SIGLEC6: variants seen among roughly 807,000 people sequenced by gnomAD.
SIGLEC6 encodes the protein sialic acid binding Ig like lectin 6, also known as sialic acid-binding Ig-like lectin 6.
Under a neutral mutation model 41.4 loss-of-function variants are expected in SIGLEC6, and 31 were observed. The ratio of observed to expected loss-of-function variants is 0.75; its 90% confidence interval spans 0.56 to 1.01. The LOEUF is 1.01. SIGLEC6 is among the 50% of genes least tolerant of loss of function. The pLI is 0.00. For missense variants in SIGLEC6, 555 were observed against 558.6 expected (o/e 0.99, Z 0.06); for synonymous variants, 217 against 231.0 (o/e 0.94, Z 0.55).
chr19:51,522,201 C>A (rs1171213173), intron 7 of SIGLEC6, among the ~76,000 whole-genome samples: 4 of 152,222 alleles, frequency 2.6e-5, no homozygotes, highest in African/African-American at 9.7e-5. Context: ...GGAATGAAGG[C>A]AAATATAAAC....
chr19:51,529,384 G>A (rs1390576709), intron 5 of SIGLEC6: 1 of 326,744 alleles, frequency 3.1e-6, no homozygotes, highest in Non-Finnish European at 5.8e-6. Flanking sequence ...CTGGGACAGA[G>A]CTGCTCTGGG....
intron 7 of SIGLEC6, among the ~76,000 whole-genome samples, chr19:51,527,027 A>T (rs536998174): frequency 6.6e-6 from 1 of 152,334 alleles, no homozygotes; most frequent in Non-Finnish European, 1.5e-5. Context: ...CAAAACCTCC[A>T]AAAACTGTGG....
Position 51,520,113 on chromosome 19 carries a change from G to T in SIGLEC6, c.1331C>A (p.Thr444Asn), listed in dbSNP as rs1220873033. The T allele has an allele frequency of 6.3e-7, 1 of 1,590,686 alleles. No homozygotes were observed. Among genetic ancestry groups the T allele is most frequent in the South Asian group, 1.1e-5 (1 of 88,802 alleles). ...VQPQEPKVTD[T>N]EYSEIKIHK ...GTGTATCTTGATTTCTGAGTACTCAGTGTCGGTGACCTTTGGTTCCTGAGG... is the reference window on the plus strand; with the variant it reads ...GTGTATCTTGATTTCTGAGTACTCATTGTCGGTGACCTTTGGTTCCTGAGG... Residue 444 changes from threonine (T) to asparagine (N), a missense_variant, in exon 8 of 8, where the codon ACT becomes AAT. By Grantham distance (65) the Thr-to-Asn change is moderately conservative (BLOSUM62 0). Coordinates refer to ENST00000425629, the MANE Select transcript of SIGLEC6 (RefSeq NM_001245.7).
rs1322228251 is a variant in SIGLEC6, at chr19:51,530,322, G to C, written c.754+115C>G. 3.1e-6 allele frequency: 3 copies of C among 960,298 alleles called. No individual in the cohort carries two copies. In the Admixed American group the frequency reaches 7.5e-5, roughly 24 times the overall value. The allele number at this position is 960,298 out of a possible 1,614,324, so 59.5% of individuals were successfully genotyped here. A position where few individuals can be genotyped will look rare whatever the true frequency, so the allele number is the denominator to read the frequency against. ...AAGGCTGGGGGTGAGCAAAGATTCAGTCCAGGTCTTTGAAGTCTATGGAGG... is the reference window on the plus strand; with the variant it reads ...AAGGCTGGGGGTGAGCAAAGATTCACTCCAGGTCTTTGAAGTCTATGGAGG... On this transcript the variant is annotated intron_variant, in intron 4 of 7. Coordinates refer to ENST00000425629, the MANE Select transcript of SIGLEC6 (RefSeq NM_001245.7).
Position 51,530,598 on chromosome 19 carries a change from G to A in SIGLEC6, c.706+83C>T, listed in dbSNP as rs1980104057. On this transcript the variant is annotated intron_variant, in intron 3 of 7. Coordinates refer to ENST00000425629, the MANE Select transcript of SIGLEC6 (RefSeq NM_001245.7). Reference sequence around the variant, plus strand: ...AAGGGGCTCTCCTCTTTGGCAACCAGGTCCCCAACTTTAAGCTCTGGCTCA... The same window carrying A: ...AAGGGGCTCTCCTCTTTGGCAACCAAGTCCCCAACTTTAAGCTCTGGCTCA... The A allele has an allele frequency of 2.5e-6, 4 of 1,606,432 alleles. No individual in the cohort carries two copies. In the East Asian group the frequency reaches 6.7e-5, roughly 27 times the overall value.
chr19:51,528,183 GA>G lies in SIGLEC6; in HGVS notation c.1082del (p.Phe361SerfsTer10), dbSNP rs1568551922. 9.9e-6 allele frequency: 16 copies of G among 1,614,128 alleles called. No individual in the cohort carries two copies. The highest frequency in any genetic ancestry group is 1.1e-5 in the Non-Finnish European group (13 of 1,180,004). ...VWGASITTLV[F>X]LCVCFIFRVK... ...ACCTGAAGATGAAGCAAACACAGAG[GA>G]AAACCAGGGTTGTGATGCTAGCTCC... On this transcript the variant is annotated frameshift_variant, in exon 6 of 8. Coordinates refer to ENST00000425629, the MANE Select transcript of SIGLEC6 (RefSeq NM_001245.7). LOFTEE classifies it high-confidence loss of function.
rs1990708231 is a variant in SIGLEC6 at position 51,519,034 on chromosome 19, G to A, written c.*1048C>T. Among the ~76,000 whole-genome samples the A allele has an allele frequency of 6.6e-6, 1 of 152,144 alleles. No individual in the cohort carries two copies. Among genetic ancestry groups the A allele is most frequent in the East Asian group, 1.9e-4 (1 of 5,186 alleles). ...ATCAAAGCCGGGTGCGGTGGCTCAT[G>A]CCTGTAATCTCAGCACTTTGGGAGG... On this transcript the variant is annotated 3_prime_UTR_variant, in exon 8 of 8. Coordinates refer to ENST00000425629, the MANE Select transcript of SIGLEC6 (RefSeq NM_001245.7).
At chr19:51,531,550 G>GC in intron 1 of SIGLEC6, 31 bp from the exon 2 acceptor site, 1 of 1,613,976 alleles carries the variant, frequency 6.2e-7, no homozygotes, top group African/African-American at 1.3e-5. Flanking sequence ...GCTCGGCCCA[G>GC]CCCCACGGCA....
At chr19:51,525,123 C>G (rs552332572) in intron 7 of SIGLEC6, among the ~76,000 whole-genome samples, 1 of 152,300 alleles carries the variant, frequency 6.6e-6, no homozygotes, top group South Asian at 2.1e-4. Flanking sequence ...CTCACATGCT[C>G]TCAGGGTAGG....
chr19:51,520,438 G>A (rs575495830), intron 7 of SIGLEC6, among the ~76,000 whole-genome samples, 183 bp from the exon 8 acceptor site: 40 of 152,080 alleles, frequency 2.6e-4, no homozygotes, highest in African/African-American at 8.7e-4. Context: ...TGTCCAGGCT[G>A]GAGTGCAGCG....
chr19:51,522,401 G>C (rs1268688681), intron 7 of SIGLEC6, among the ~76,000 whole-genome samples: 2 of 152,226 alleles, frequency 1.3e-5, no homozygotes, highest in Non-Finnish European at 2.9e-5. Flanking sequence ...TGGAATGTAA[G>C]CAATGAAAAG....
intron 7 of SIGLEC6, among the ~76,000 whole-genome samples, chr19:51,520,821 T>C (rs1990869895): frequency 6.6e-6 from 1 of 152,158 alleles, no homozygotes; most frequent in Non-Finnish European, 1.5e-5. Context: ...ACACTAAGGC[T>C]AAGAGAGGCT....
In SIGLEC6 at chr19:51,531,590, A is replaced by C; in HGVS notation, c.59T>G (p.Leu20Arg). The part of the protein sequence containing the change: ...SEMLPLLLPL[L>R]WAGALAQERR... Reference sequence around the variant, plus strand: ...TCCCCTGGCCCACTCACCTGCCCACAGCAGGGGCAGCAGCAGCGGTAGCAT... The same window carrying C: ...TCCCCTGGCCCACTCACCTGCCCACCGCAGGGGCAGCAGCAGCGGTAGCAT... Residue 20 changes from leucine to arginine, a missense_variant, in exon 1 of 8, where the codon CTG becomes CGG. Physicochemically the swap from Leu to Arg is moderately radical, Grantham distance 102 (BLOSUM62 -2). Coordinates refer to ENST00000425629, the MANE Select transcript of SIGLEC6 (RefSeq NM_001245.7). 6.2e-7 allele frequency: 1 copy of C among 1,613,702 alleles called. No individual in the cohort carries two copies. The highest frequency in any genetic ancestry group is 8.5e-7 in the Non-Finnish European group (1 of 1,179,822).
chr19:51,525,409 C>G (rs886125404), intron 7 of SIGLEC6, among the ~76,000 whole-genome samples: 2 of 152,098 alleles, frequency 1.3e-5, no homozygotes, highest in Non-Finnish European at 2.9e-5. Context: ...TCCAACACAC[C>G]GGAACTGCTT....
intron 6 of SIGLEC6, 147 bp from the exon 7 acceptor site, chr19:51,527,975 CAA>C (rs1979519241): frequency 1.1e-6 from 1 of 929,252 alleles, no homozygotes; most frequent in Non-Finnish European, 1.7e-6. Context: ...ACCACGGTTT[CAA>C]AGAGACCCCT....
chr19:51,518,488 G>A lies in SIGLEC6; in HGVS notation c.*1594C>T, dbSNP rs1266708777. 6.6e-6 allele frequency among the ~76,000 whole-genome samples: 1 copy of A among 152,082 alleles called. No individual in the cohort carries two copies. ...CAGAAGTACCTGGGATTACAGGCAA[G>A]TGCCACCACACCGAGCTAATTTTTG... is the stretch of plus-strand genomic sequence containing the variant. On this transcript the variant is annotated 3_prime_UTR_variant, in exon 8 of 8. Transcript: ENST00000425629.
At chr19:51,530,324 C>A (rs1267188764) in intron 4 of SIGLEC6, 113 bp downstream of exon 4, 58 of 978,106 alleles carry the variant, frequency 5.9e-5, no homozygotes, top group Non-Finnish European at 4.6e-6. Context: ...AAGATTCAGT[C>A]CAGGTCTTTG....
At position 51,530,434 on chromosome 19, in the gene SIGLEC6, T is replaced by G. The variant is rs753748368; in HGVS notation, c.754+3A>C. The G allele has an allele frequency of 1.9e-6, 3 of 1,613,976 alleles. No homozygotes were observed. Among genetic ancestry groups the G allele is most frequent in the Admixed American group, 1.7e-5 (1 of 60,014 alleles). ...GGAGAGAACAGGACTGGCTGGTTCCTACCTGCGCTGTTTCCTTGGAAGATG... is the reference window on the plus strand; with the variant it reads ...GGAGAGAACAGGACTGGCTGGTTCCGACCTGCGCTGTTTCCTTGGAAGATG... On this transcript the variant is annotated splice_donor_region_variant and intron_variant, in intron 4 of 7. Transcript: ENST00000425629.
intron 7 of SIGLEC6, 66 bp downstream of exon 7, chr19:51,527,681 G>T: frequency 7.2e-7 from 1 of 1,390,762 alleles, no homozygotes; most frequent in Non-Finnish European, 1.0e-6. Context: ...ATGCCTCAGG[G>T]TCCTTACTTA....
Sources: allele counts gnomAD v4.1 joint callset (sites outside exome capture counted in the v4.1 genomes callset), GRCh38; gene constraint gnomAD v4.1.1; transcripts MANE v1.5; gene names NCBI Gene and HGNC (gene_info 2026-07-23, HGNC 2026-07-21).